CRPPA: variants seen among roughly 807,000 people sequenced by gnomAD.
CRPPA encodes the protein CDP-L-ribitol pyrophosphorylase A.
Under a neutral mutation model 52.0 loss-of-function variants are expected in CRPPA, and 43 were observed. The observed-to-expected ratio is 0.83, with a 90% CI of 0.65 to 1.07. The LOEUF (loss-of-function observed/expected upper bound fraction) is 1.07. CRPPA is among the 50% of genes least tolerant of loss of function. The pLI, the probability that CRPPA is intolerant of heterozygous loss-of-function variation, is 0.00. For missense variants in CRPPA, 629 were observed against 551.7 expected (o/e 1.14, Z -1.40); for synonymous variants, 250 against 203.5 (o/e 1.23, Z -1.94).
rs1453469895 is a variant in CRPPA at position 16,089,372 on chromosome 7, A to ACATG, written c.*2322_*2323insCATG. The ACATG allele has an allele frequency of 2.6e-6, 1 of 391,146 alleles. No homozygotes were observed. Among genetic ancestry groups the ACATG allele is most frequent in the Non-Finnish European group, 5.5e-6 (1 of 180,546 alleles). The allele number at this position is 391,146 out of a possible 1,614,324, so 24.2% of individuals were successfully genotyped here. A position where few individuals can be genotyped will look rare whatever the true frequency, so the allele number is the denominator to read the frequency against. ...CGTATATACATACATACATGCATGTACATATATACGTATATATGTATGTAC... is the reference window on the plus strand; with the variant it reads ...CGTATATACATACATACATGCATGTACATGCATATATACGTATATATGTATGTAC... On this transcript the variant is annotated 3_prime_UTR_variant, in exon 10 of 10. Transcript: ENST00000407010.
intron 9 of CRPPA, among the ~76,000 whole-genome samples, chr7:16,213,785 C>T (rs896389797): frequency 1.3e-5 from 2 of 151,530 alleles, no homozygotes; most frequent in African/African-American, 4.8e-5. Context: ...GCTTTGGTAA[C>T]TTTCTTATTT....
chr7:16,324,544 T>C (rs1785336062), intron 3 of CRPPA, among the ~76,000 whole-genome samples: 1 of 152,196 alleles, frequency 6.6e-6, no homozygotes, highest in African/African-American at 2.4e-5. Context: ...TTTGATGCAG[T>C]TAGACCTCAG....
At chr7:16,389,378 T>C (rs1197024296) in intron 2 of CRPPA, among the ~76,000 whole-genome samples, 1 of 151,950 alleles carries the variant, frequency 6.6e-6, no homozygotes, top group Non-Finnish European at 1.5e-5. Flanking sequence ...CAAACCCAAT[T>C]CAGCAACATA....
At chr7:16,173,573 G>C (rs762330549) in intron 9 of CRPPA, among the ~76,000 whole-genome samples, 2 of 152,076 alleles carry the variant, frequency 1.3e-5, no homozygotes, top group Non-Finnish European at 2.9e-5. Flanking sequence ...ACTAATCAGA[G>C]AGTATAACAA....
chr7:16,350,617 A>AT (rs1786124809), intron 3 of CRPPA, among the ~76,000 whole-genome samples: 1 of 152,134 alleles, frequency 6.6e-6, no homozygotes, highest in Non-Finnish European at 1.5e-5. Context: ...TATACAAATG[A>AT]TTTTTTAAAA....
At chr7:16,388,357 GA>G (rs1787348588) in intron 2 of CRPPA, among the ~76,000 whole-genome samples, 1 of 152,014 alleles carries the variant, frequency 6.6e-6, no homozygotes, top group Admixed American at 6.6e-5. Context: ...ACTTTTAAAT[GA>G]AAACACAAAC....
rs151334294 is a variant in CRPPA at position 16,199,439 on chromosome 7, T to A, written c.1251+16627A>T. 6.8e-3 allele frequency among the ~76,000 whole-genome samples: 1,039 copies of A among 152,290 alleles called. 13 individuals carry two copies. Among genetic ancestry groups the A allele is most frequent in the African/African-American group, 0.024 (985 of 41,552 alleles). On this transcript the variant is annotated intron_variant, in intron 9 of 9. Coordinates refer to ENST00000407010, the MANE Select transcript of CRPPA (RefSeq NM_001101426.4). ...ATTTAAAAAAATCTGTATCAAAGAA[T>A]AAAATTTTCCCAATAAAATGGATAA...
intron 6 of CRPPA, chr7:16,270,332 A>G (rs374301819): frequency 1.3e-5 from 2 of 152,310 alleles, no homozygotes; most frequent in East Asian, 3.9e-4. Flanking sequence ...TCAAGAATAT[A>G]AATAATTAAA....
chr7:16,217,374 C>T (rs1399183277), intron 8 of CRPPA, among the ~76,000 whole-genome samples: 8 of 151,722 alleles, frequency 5.3e-5, no homozygotes, highest in East Asian at 1.9e-4. Flanking sequence ...AACTCTAAAA[C>T]GCAGAGCACC....
chr7:16,230,139 A>G (rs1782755023), intron 8 of CRPPA, among the ~76,000 whole-genome samples: 1 of 152,048 alleles, frequency 6.6e-6, no homozygotes, highest in Non-Finnish European at 1.5e-5. Flanking sequence ...TTTAAATTTG[A>G]TTGGAGACCT....
Position 16,219,663 on chromosome 7 carries a change from A to T in CRPPA, c.1120-3466T>A, listed in dbSNP as rs936818127. On this transcript the variant is annotated intron_variant, in intron 8 of 9. Coordinates refer to ENST00000407010, the MANE Select transcript of CRPPA (RefSeq NM_001101426.4). ...ACTACCATCAGAGAATACTACAAAC[A>T]CCTCTACGCAAATAAACTAGAAAAT... is the stretch of plus-strand genomic sequence containing the variant. 7.0e-4 allele frequency among the ~76,000 whole-genome samples: 78 copies of T among 112,028 alleles called. 2 individuals carry two copies. The highest frequency in any genetic ancestry group is 1.4e-3 in the Non-Finnish European group (70 of 51,432). The allele number at this position is 112,028 out of a possible 152,430, so 73.5% of individuals were successfully genotyped here.
At chr7:16,391,959 C>T (rs1251657050) in intron 2 of CRPPA, among the ~76,000 whole-genome samples, 1 of 152,098 alleles carries the variant, frequency 6.6e-6, no homozygotes, top group Non-Finnish European at 1.5e-5. Flanking sequence ...TGAGGTCAAA[C>T]CAAATCCCAC....
chr7:16,137,955 C>T (rs1203777904), intron 9 of CRPPA, among the ~76,000 whole-genome samples: 6 of 152,058 alleles, frequency 3.9e-5, no homozygotes, highest in Non-Finnish European at 8.8e-5. Context: ...AGTAATGCTT[C>T]ATTAAAACCT....
rs545663821 is a variant in CRPPA at position 16,303,477 on chromosome 7, T to TAAAAAAAAAAA, written c.790-2022_790-2012dup. On this transcript the variant is annotated intron_variant, in intron 4 of 9. Coordinates refer to ENST00000407010, the MANE Select transcript of CRPPA (RefSeq NM_001101426.4). Reference sequence around the variant, plus strand: ...GTTTCTGTGTTGAGACATAAAATAGTAAAAAAAAAAAAAAAAAAAAAAAAA... The same window carrying TAAAAAAAAAAA: ...GTTTCTGTGTTGAGACATAAAATAGTAAAAAAAAAAAAAAAAAAAAAAAAAAAAAAAAAAAA... Among the ~76,000 whole-genome samples, 61 of 44,950 alleles carry TAAAAAAAAAAA rather than the reference T, an allele frequency of 1.4e-3. 2 individuals carry two copies. Among genetic ancestry groups the TAAAAAAAAAAA allele is most frequent in the Admixed American group, 2.4e-3 (7 of 2,926 alleles). 29.5% of individuals were successfully genotyped at this position (44,950 alleles called of 152,430 possible).
At chr7:16,385,257 G>C (rs563036340) in intron 2 of CRPPA, among the ~76,000 whole-genome samples, 2 of 152,004 alleles carry the variant, frequency 1.3e-5, no homozygotes, top group African/African-American at 4.8e-5. Context: ...TCAAGGAAAT[G>C]ACTGGTAACC....
At chr7:16,333,826 C>T (rs927364709) in intron 3 of CRPPA, among the ~76,000 whole-genome samples, 1 of 152,142 alleles carries the variant, frequency 6.6e-6, no homozygotes, top group Non-Finnish European at 1.5e-5. Flanking sequence ...CAGAACTTGG[C>T]AGTGGACCAC....
intron 2 of CRPPA, among the ~76,000 whole-genome samples, chr7:16,380,590 G>T (rs1199999982): frequency 6.6e-6 from 1 of 152,136 alleles, no homozygotes; most frequent in Admixed American, 6.6e-5. Context: ...TGTACCTCTG[G>T]TAGAATTCGG....
At chr7:16,254,002 G>A (rs1246237033) in intron 8 of CRPPA, among the ~76,000 whole-genome samples, 3 of 152,052 alleles carry the variant, frequency 2.0e-5, no homozygotes, top group African/African-American at 2.4e-5. Flanking sequence ...CATCATCACC[G>A]GCCATCAGAG....
At chr7:16,260,302 ATC>A (rs59127218) in intron 6 of CRPPA, among the ~76,000 whole-genome samples, 3,212 of 151,722 alleles carry the variant, frequency 0.021, 126 homozygotes, top group East Asian at 0.19. Context: ...AGATGGGGAC[ATC>A]TCTCTCTCTC....
Sources: allele counts gnomAD v4.1 joint callset (sites outside exome capture counted in the v4.1 genomes callset), GRCh38; gene constraint gnomAD v4.1.1; transcripts MANE v1.5; gene names NCBI Gene and HGNC (gene_info 2026-07-23, HGNC 2026-07-21).